BICRA: variants seen among roughly 807,000 people sequenced by gnomAD.
The protein encoded by BICRA is BRD4 interacting chromatin remodeling complex associated protein.
Under a neutral mutation model 96.9 loss-of-function variants are expected in BICRA, and 31 were observed. The observed-to-expected ratio is 0.32, with a 90% confidence interval of 0.24 to 0.43. BICRA has a LOEUF of 0.43. Among genes scored for constraint, BICRA ranks in the 20% least tolerant of loss-of-function variants. BICRA has a pLI of 1.00. For synonymous variants in BICRA, 1,350 were observed against 1,071.8 expected (o/e 1.26, Z -5.07); for missense variants, 2,283 against 2,190.3 (o/e 1.04, Z -0.84).
At chr19:47,673,253 C>T (rs1052224115) in intron 2 of BICRA, among the ~76,000 whole-genome samples, 14 of 152,118 alleles carry the variant, frequency 9.2e-5, no homozygotes, top group African/African-American at 3.4e-4. Context: ...CGTGGGACCC[C>T]TCCTGGGATA....
intron 1 of BICRA, among the ~76,000 whole-genome samples, chr19:47,657,315 G>T (rs993596828): frequency 3.3e-5 from 5 of 152,232 alleles, no homozygotes; most frequent in Admixed American, 3.3e-4. Flanking sequence ...CTGTCGTGTG[G>T]ATGTAACAGT....
At position 47,680,393 on chromosome 19, in the gene BICRA, A is replaced by G. The variant is rs1973021210; in HGVS notation, c.1223A>G (p.Asn408Ser). ...ATGGCGGCGGGGAAGGCGGGCCAGA[A>G]CGTGGTGCTGTCGGGCTTCCCCGCG... ...TFMAAGKAGQ[N>S]VVLSGFPAPA... The change falls in exon 6 of 15, where the codon AAC becomes AGC. Residue 408 changes from asparagine to serine, a missense_variant. By Grantham distance (46) the Asn-to-Ser change is conservative (BLOSUM62 1). Coordinates refer to ENST00000594866, the MANE Select transcript of BICRA (RefSeq NM_001394372.1). 6.5e-7 allele frequency: 1 copy of G among 1,533,392 alleles called. No individual in the cohort carries two copies. Among genetic ancestry groups the G allele is most frequent in the Non-Finnish European group, 8.7e-7 (1 of 1,144,868 alleles). The allele number at this position is 1,533,392 out of a possible 1,614,324, so 95.0% of individuals were successfully genotyped here.
At chr19:47,638,644 G>A (rs1299195334) in intron 1 of BICRA, among the ~76,000 whole-genome samples, 3 of 149,922 alleles carry the variant, frequency 2.0e-5, no homozygotes, top group Admixed American at 6.6e-5. Flanking sequence ...CACTTTTTAA[G>A]GCAGGTTTGT....
chr19:47,676,086 A>G (rs1972936267), intron 5 of BICRA, among the ~76,000 whole-genome samples, 170 bp downstream of exon 5: 1 of 151,766 alleles, frequency 6.6e-6, no homozygotes, highest in Non-Finnish European at 1.5e-5. Flanking sequence ...TGCAGGAGGG[A>G]GCAGAGCTGG....
chr19:47,687,611 C>T (rs1337473582), intron 7 of BICRA, among the ~76,000 whole-genome samples: 2 of 152,062 alleles, frequency 1.3e-5, no homozygotes, highest in African/African-American at 4.8e-5. Flanking sequence ...GCCTGGCCAA[C>T]ATGGGGAAAC....
At chr19:47,635,249 ATT>A (rs373765609) in intron 1 of BICRA, among the ~76,000 whole-genome samples, 5 of 137,178 alleles carry the variant, frequency 3.6e-5, no homozygotes, top group Non-Finnish European at 4.7e-5. Flanking sequence ...CATTTCTAGG[ATT>A]TTTTTTTTTT....
In BICRA at chr19:47,673,776, C is replaced by CA; in HGVS notation, c.84+15dup. The CA allele has an allele frequency of 1.9e-6, 3 of 1,607,318 alleles. No individual in the cohort carries two copies. The highest frequency in any genetic ancestry group is 2.6e-6 in the Non-Finnish European group (3 of 1,173,988). On this transcript the variant is annotated intron_variant, in intron 4 of 14. Coordinates refer to ENST00000594866, the MANE Select transcript of BICRA (RefSeq NM_001394372.1). ...GGATCCGAGAAGGTAAGCATGGGCG[C>CA]AGGGAGAGGCATTCCCTGAGTGGGG...
intron 1 of BICRA, among the ~76,000 whole-genome samples, chr19:47,633,241 G>A (rs185238987): frequency 1.3e-5 from 2 of 151,682 alleles, no homozygotes; most frequent in African/African-American, 4.8e-5. Flanking sequence ...CACCACGCCC[G>A]ACTAATTTTT....
In BICRA at chr19:47,695,429, G is replaced by C. The variant is rs1973324037; in HGVS notation, c.3141G>C (p.Val1047=). Residue 1047 remains valine (V), a synonymous_variant, in exon 10 of 15, where the codon GTG becomes GTC. Transcript: ENST00000594866. ...AFASNLPTLN[V]AKAASSGPGK... is the part of the protein sequence containing the mutation. ...CCAGCAACCTCCCGACCCTGAATGT[G>C]GCCAAGGCCGCTTCCTCCGGGCCAG... 6.3e-7 allele frequency: 1 copy of C among 1,588,860 alleles called. No individual in the cohort carries two copies. The highest frequency in any genetic ancestry group is 1.4e-5 in the African/African-American group (1 of 73,542).
chr19:47,645,663 G>A (rs1226047849), intron 1 of BICRA, among the ~76,000 whole-genome samples: 1 of 152,218 alleles, frequency 6.6e-6, no homozygotes, highest in Non-Finnish European at 1.5e-5. Context: ...AAAGTAGCTT[G>A]TAATCCTGTC....
At chr19:47,614,862 C>T (rs747286569) in intron 1 of BICRA, among the ~76,000 whole-genome samples, 3 of 152,174 alleles carry the variant, frequency 2.0e-5, no homozygotes, top group Non-Finnish European at 4.4e-5. Context: ...TACGTCCGCA[C>T]ATGTTACAGG....
At position 47,701,964 on chromosome 19, in the gene BICRA, G is replaced by T. The variant is rs890915482; in HGVS notation, c.4232G>T (p.Gly1411Val). The T allele has an allele frequency of 6.2e-6, 9 of 1,459,404 alleles. No homozygotes were observed. In the African/African-American group the frequency reaches 1.0e-4, roughly 17 times the overall value. 90.4% of individuals were successfully genotyped at this position (1,459,404 alleles called of 1,614,324 possible). Residue 1411 changes from glycine (G) to valine (V), a missense_variant, in exon 15 of 15, where the codon GGA becomes GTA. Coordinates refer to ENST00000594866, the MANE Select transcript of BICRA (RefSeq NM_001394372.1). This position sits in a 1 kb window ranked among gnomAD's most constrained non-coding sequence, Gnocchi z 5.4. ...GGGACGCCCGCAGGCAGGGCACGGG[G>T]AGGCAGCCCGGCGCCGCTGCCCGCC... The part of the protein sequence containing the change: ...PEGTPAGRAR[G>V]GSPAPLPAKV...
intron 7 of BICRA, among the ~76,000 whole-genome samples, chr19:47,683,593 T>G (rs1234841935): frequency 1.3e-5 from 2 of 151,756 alleles, no homozygotes; most frequent in Non-Finnish European, 2.9e-5. Context: ...TACGTTCTTT[T>G]TTTTTTTTTG....
chr19:47,685,780 T>C (rs1456531429), intron 7 of BICRA, among the ~76,000 whole-genome samples: 235 of 131,244 alleles, frequency 1.8e-3, no homozygotes, highest in East Asian at 7.6e-3. Context: ...TGTGTGTGTG[T>C]GTGTGTGCGC....
intron 1 of BICRA, among the ~76,000 whole-genome samples, chr19:47,661,213 C>CAAAAAAAAAAAAAAA (rs58327756): frequency 1.0e-4 from 8 of 76,470 alleles, no homozygotes; most frequent in African/African-American, 1.8e-4. Flanking sequence ...GACTCCGTCT[C>CAAAAAAAAAAAAAAA]AAAAAAAAAA....
At chr19:47,609,211 ACTCT>A (rs1018981523) in intron 1 of BICRA, 43 bp downstream of exon 1, 2 of 141,198 alleles carry the variant, frequency 1.4e-5, no homozygotes, top group Admixed American at 1.4e-4. Flanking sequence ...AAATCTCTTA[ACTCT>A]CTCTACCTGC....
At chr19:47,657,262 T>C (rs1315673511) in intron 1 of BICRA, among the ~76,000 whole-genome samples, 1 of 152,224 alleles carries the variant, frequency 6.6e-6, no homozygotes, top group Non-Finnish European at 1.5e-5. Context: ...TTTGTATTGT[T>C]GCTGTAGAAG....
intron 1 of BICRA, among the ~76,000 whole-genome samples, chr19:47,609,969 G>T (rs1487858414): frequency 6.0e-4 from 2 of 3,340 alleles, no homozygotes; most frequent in African/African-American, 2.1e-3. Context: ...TACGGGGGTG[G>T]GGGGGGTGAG....
chr19:47,633,763 A>T (rs1386924456), intron 1 of BICRA, among the ~76,000 whole-genome samples: 1 of 152,214 alleles, frequency 6.6e-6, no homozygotes, highest in Admixed American at 6.5e-5. Flanking sequence ...TAATCATGCT[A>T]ATGGTACCTC....
Sources: gnomAD v4.1 joint callset for allele counts (sites outside exome capture counted in the v4.1 genomes callset) on GRCh38, gnomAD v4.1.1 for gene constraint, Gnocchi (gnomAD v3.1) non-coding constraint, MANE v1.5 for transcripts, NCBI Gene and HGNC (gene_info 2026-07-23, HGNC 2026-07-21) for gene names.